The following KNTC1 variants were observed in gnomAD, a reference collection of about 807,000 sequenced individuals.
The protein encoded by KNTC1 is kinetochore associated 1, also known as kinetochore-associated protein 1.
In KNTC1, 253 loss-of-function variants were observed where a neutral mutation model predicts 314.4. The ratio of observed to expected loss-of-function variants is 0.80; its 90% CI spans 0.73 to 0.89. The LOEUF is 0.89. Among genes scored for constraint, KNTC1 ranks in the 40% least tolerant of loss-of-function variants. The probability of loss-of-function intolerance (pLI) is 0.00; values close to 1 mark genes in which losing one functional copy is unlikely to be tolerated. For synonymous variants in KNTC1, 901 were observed against 901.4 expected, an observed-to-expected ratio of 1.00 and a Z score of 0.01; for missense variants, 2,475 against 2,572.9, an observed-to-expected ratio of 0.96 and a Z score of 0.82.
chr12:122,598,421 CTTT>C (rs11395342), intron 44 of KNTC1, among the ~76,000 whole-genome samples: 3 of 124,242 alleles, frequency 2.4e-5, no homozygotes, highest in East Asian at 2.3e-4. Context: ...TTTTTCTTTT[CTTT>C]TTTTTTTTTT....
In KNTC1 at chr12:122,582,758, A is replaced by T. The variant is rs1868604655; in HGVS notation, c.3036A>T (p.Val1012=). ...AAGATTATAGCAATAGTTCCCTGGT[A>T]GCAGATCTCCGTGAGCAGCACATTA... ...SFEDYSNSSL[V]ADLREQHIKA... The change falls in exon 34 of 64, where the codon GTA becomes GTT. Residue 1012 remains valine (V), a synonymous_variant. Coordinates refer to ENST00000333479, the MANE Select transcript of KNTC1 (RefSeq NM_014708.6). The T allele has an allele frequency of 6.2e-7, 1 of 1,612,520 alleles. No individual in the cohort carries two copies. Among genetic ancestry groups the T allele is most frequent in the Admixed American group, 1.7e-5 (1 of 59,932 alleles).
intron 53 of KNTC1, among the ~76,000 whole-genome samples, chr12:122,612,383 G>T (rs1446234432): frequency 2.7e-5 from 4 of 148,236 alleles, no homozygotes; most frequent in Admixed American, 6.8e-5. Context: ...AACATTAAGT[G>T]AAATTTGTCT....
At chr12:122,608,555 A>C (rs921861273) in intron 51 of KNTC1, among the ~76,000 whole-genome samples, 1 of 152,220 alleles carries the variant, frequency 6.6e-6, no homozygotes, top group Admixed American at 6.5e-5. Flanking sequence ...CATCTTGGCC[A>C]CGTAGAATAT....
intron 43 of KNTC1, among the ~76,000 whole-genome samples, chr12:122,596,186 G>A (rs1235436197): frequency 6.7e-6 from 1 of 149,992 alleles, no homozygotes; most frequent in Non-Finnish European, 1.5e-5. Context: ...GGGCTCAAGC[G>A]ATTCTCCTGC....
intron 10 of KNTC1, among the ~76,000 whole-genome samples, chr12:122,546,952 C>T (rs1048346126): frequency 6.6e-6 from 1 of 150,998 alleles, no homozygotes; most frequent in Non-Finnish European, 1.5e-5. Context: ...CCTGCCTCAG[C>T]CTCCTGAGTA....
rs1011176775 is a variant in KNTC1 at position 122,580,466 on chromosome 12, C to G, written c.2915-137C>G. The G allele has an allele frequency of 7.3e-6, 4 of 545,804 alleles. No individual in the cohort carries two copies. The Admixed American group carries it at 1.5e-4, about 21-fold the overall frequency. The allele number at this position is 545,804 out of a possible 1,614,324, so 33.8% of individuals were successfully genotyped here. On this transcript the variant is annotated intron_variant, in intron 32 of 63. Coordinates refer to ENST00000333479, the MANE Select transcript of KNTC1 (RefSeq NM_014708.6). ...AAATTAGATCTTTTGTACTTAGTTA[C>G]TGTATATTATCATTTGAGAAGAACT...
At chr12:122,604,212 G>A (rs889483982) in intron 48 of KNTC1, among the ~76,000 whole-genome samples, 1 of 131,600 alleles carries the variant, frequency 7.6e-6, no homozygotes, top group Non-Finnish European at 1.5e-5. Flanking sequence ...TTGCTCTGTC[G>A]CCCAGTTTGG....
At chr12:122,584,105 T>C (rs991612013) in intron 34 of KNTC1, among the ~76,000 whole-genome samples, 173 bp from the exon 35 acceptor site, 1 of 152,194 alleles carries the variant, frequency 6.6e-6, no homozygotes, top group African/African-American at 2.4e-5. Context: ...GCCTAGGCGA[T>C]AGGGCTAGAG....
At chr12:122,545,183 A>T (rs1962663515) in intron 8 of KNTC1, among the ~76,000 whole-genome samples, 1 of 152,216 alleles carries the variant, frequency 6.6e-6, no homozygotes, top group East Asian at 1.9e-4. Context: ...ATATTCAAAG[A>T]ATAGGCAGAA....
chr12:122,566,315 T>C (rs996536333), intron 20 of KNTC1, among the ~76,000 whole-genome samples: 2 of 151,600 alleles, frequency 1.3e-5, no homozygotes, highest in African/African-American at 2.4e-5. Context: ...TGGCTCGATC[T>C]TGACTCTGGC....
chr12:122,600,574 C>T (rs529769634), intron 44 of KNTC1, among the ~76,000 whole-genome samples: 5 of 152,214 alleles, frequency 3.3e-5, no homozygotes, highest in Admixed American at 6.5e-5. Context: ...ATTTTCCCAT[C>T]GTAAATGAAA....
intron 4 of KNTC1, 150 bp from the exon 5 acceptor site, chr12:122,539,526 A>G (rs955706941): frequency 5.3e-6 from 3 of 564,850 alleles, no homozygotes; most frequent in Admixed American, 7.1e-5. Context: ...ACACTTGTCC[A>G]AAATAGTTTT....
At chr12:122,567,563 G>GACTC (rs1964427104) in intron 20 of KNTC1, among the ~76,000 whole-genome samples, 1 of 151,960 alleles carries the variant, frequency 6.6e-6, no homozygotes, top group African/African-American at 2.4e-5. Flanking sequence ...AATAGGCTGG[G>GACTC]CACGGTGGCT....
chr12:122,560,947 G>A (rs967044968), intron 18 of KNTC1, among the ~76,000 whole-genome samples: 1 of 152,146 alleles, frequency 6.6e-6, no homozygotes, highest in African/African-American at 2.4e-5. Flanking sequence ...ACTAATGTAT[G>A]TAAGGTGGGA....
At chr12:122,576,835 G>T in intron 29 of KNTC1, 60 bp from the exon 30 acceptor site, 1 of 1,381,314 alleles carries the variant, frequency 7.2e-7, no homozygotes. Flanking sequence ...TTATAAGCAA[G>T]TGATTTCTTG....
At position 122,581,114 on chromosome 12, in the gene KNTC1, G is replaced by C. The variant is rs145635195; in HGVS notation, c.2982+444G>C. Among the ~76,000 whole-genome samples the C allele has an allele frequency of 8.1e-3, 1,218 of 151,120 alleles. 20 individuals are homozygous for C. Among genetic ancestry groups the C allele is most frequent in the African/African-American group, 0.028 (1,167 of 41,176 alleles). The stretch of plus-strand genomic sequence containing the variant: ...TCTCTCTCTCTCTCTCTCAACAGCT[G>C]TATTGAGATGTAATTTACATACCAT... On this transcript the variant is annotated intron_variant, in intron 33 of 63. Transcript: ENST00000333479.
At position 122,533,321 on chromosome 12, in the gene KNTC1, C is replaced by A. The variant is rs553439634; in HGVS notation, c.130-1343C>A. On this transcript the variant is annotated intron_variant, in intron 2 of 63. Coordinates refer to ENST00000333479, the MANE Select transcript of KNTC1 (RefSeq NM_014708.6). ...AGCTGGGATTACATGCGTCCGCCAC[C>A]ACGCCCGGCTAATTTTAGTGCCATT... is the stretch of plus-strand genomic sequence containing the variant. Among the ~76,000 whole-genome samples, 16 of 152,196 alleles carry A rather than the reference C, an allele frequency of 1.1e-4. No homozygotes were observed. The East Asian group carries it at 2.5e-3, about 24-fold the overall frequency.
At chr12:122,601,770 A>G (rs776894631) in intron 45 of KNTC1, 145 bp downstream of exon 45, 1 of 839,292 alleles carries the variant, frequency 1.2e-6, no homozygotes, top group Middle Eastern at 4.1e-4. Flanking sequence ...AAAAATCTTT[A>G]CAAATCTTTA....
intron 63 of KNTC1, 141 bp downstream of exon 63, chr12:122,624,829 T>G (rs1874846044): frequency 1.4e-6 from 1 of 694,634 alleles, no homozygotes; most frequent in South Asian, 1.4e-5. Flanking sequence ...TTACTTTTTG[T>G]GTTAGAGAGT....
Sources: gnomAD v4.1 joint callset for allele counts (sites outside exome capture counted in the v4.1 genomes callset) on GRCh38, gnomAD v4.1.1 for gene constraint, MANE v1.5 for transcripts, NCBI Gene and HGNC (gene_info 2026-07-23, HGNC 2026-07-21) for gene names.